Variants in DSCAM observed in about 807,000 individuals in gnomAD.
DSCAM encodes DS cell adhesion molecule.
In DSCAM, 47 loss-of-function variants were observed where a neutral mutation model predicts 217.7. That is an observed-to-expected ratio of 0.22 (90% CI 0.17 to 0.28). DSCAM has a LOEUF of 0.28. Ranked by LOEUF, DSCAM falls within the 10% of genes least tolerant of loss-of-function variation. The pLI is 1.00. For synonymous variants in DSCAM, 1,056 were observed against 1,015.3 expected, an observed-to-expected ratio of 1.04 and a Z score of -0.76; for missense variants, 2,080 against 2,618.3, an observed-to-expected ratio of 0.79 and a Z score of 4.49.
At chr21:40,509,825 T>C (rs1338293666) in intron 3 of DSCAM, among the ~76,000 whole-genome samples, 1 of 152,078 alleles carries the variant, frequency 6.6e-6, no homozygotes, top group Non-Finnish European at 1.5e-5. Context: ...TGCTTTGATC[T>C]TTCTCTAAAA....
At chr21:40,595,796 G>C (rs2077017256) in intron 3 of DSCAM, among the ~76,000 whole-genome samples, 1 of 152,230 alleles carries the variant, frequency 6.6e-6, no homozygotes, top group African/African-American at 2.4e-5. Flanking sequence ...AAAGAAGCAA[G>C]CAAGTTGTAG....
chr21:40,113,407 G>A (rs2089925986), intron 20 of DSCAM, among the ~76,000 whole-genome samples: 2 of 152,094 alleles, frequency 1.3e-5, no homozygotes, highest in African/African-American at 4.8e-5. Flanking sequence ...TTGATGGGAC[G>A]TATCTCAAAA....
At chr21:40,487,576 G>A (rs1359493297) in intron 3 of DSCAM, among the ~76,000 whole-genome samples, 1 of 152,094 alleles carries the variant, frequency 6.6e-6, no homozygotes, top group South Asian at 2.1e-4. Context: ...TCCAGCAGAG[G>A]GATACATGAG....
At chr21:40,783,489 T>C (rs1481390208) in intron 1 of DSCAM, among the ~76,000 whole-genome samples, 1 of 152,078 alleles carries the variant, frequency 6.6e-6, no homozygotes, top group Non-Finnish European at 1.5e-5. Context: ...GTGTCAAAAA[T>C]AGCAAGAAAC....
intron 1 of DSCAM, among the ~76,000 whole-genome samples, chr21:40,761,805 G>C (rs1017231596): frequency 6.6e-6 from 1 of 152,008 alleles, no homozygotes; most frequent in Non-Finnish European, 1.5e-5. Flanking sequence ...TAAACATGTA[G>C]AGCATCAAAA....
At position 40,012,599 on chromosome 21, in the gene DSCAM, G is replaced by T. The variant is rs1328107059; in HGVS notation, c.*435C>A. On this transcript the variant is annotated 3_prime_UTR_variant, in exon 33 of 33. Coordinates refer to ENST00000400454, the MANE Select transcript of DSCAM (RefSeq NM_001389.5). ...ACCCGGTTTCTAATGGGAAAGAAAG[G>T]TGTGCAAACGTGACTGAAGTTTTCC... 1 of 152,490 alleles carries T rather than the reference G, an allele frequency of 6.6e-6. No individual in the cohort carries two copies. Among genetic ancestry groups the T allele is most frequent in the African/African-American group, 2.4e-5 (1 of 41,402 alleles). 9.4% of individuals were successfully genotyped at this position (152,490 alleles called of 1,614,324 possible). A position where few individuals can be genotyped will look rare whatever the true frequency, so the allele number is the denominator to read the frequency against.
chr21:40,618,577 A>C (rs987665214), intron 3 of DSCAM: 1 of 152,162 alleles, frequency 6.6e-6, no homozygotes, highest in East Asian at 1.9e-4. Flanking sequence ...AAATAATATA[A>C]TAAGTTCCTA....
chr21:40,085,541 T>A, intron 23 of DSCAM, 61 bp downstream of exon 23: 1 of 1,370,420 alleles, frequency 7.3e-7, no homozygotes, highest in South Asian at 2.1e-5. Flanking sequence ...TCAGTGCTAC[T>A]TTTTGCATAG....
chr21:40,328,758 T>C (rs956641864), intron 8 of DSCAM, among the ~76,000 whole-genome samples: 7 of 152,212 alleles, frequency 4.6e-5, no homozygotes, highest in Non-Finnish European at 8.8e-5. Flanking sequence ...AAAAGGTTAC[T>C]ATCCAAAATA....
intron 1 of DSCAM, among the ~76,000 whole-genome samples, chr21:40,723,022 A>T (rs1332161622): frequency 6.6e-6 from 1 of 152,166 alleles, no homozygotes; most frequent in Admixed American, 6.5e-5. Flanking sequence ...ACATGAAGCA[A>T]ATCTGCTGGA....
At chr21:40,253,099 G>A (rs968242546) in intron 11 of DSCAM, among the ~76,000 whole-genome samples, 4 of 152,192 alleles carry the variant, frequency 2.6e-5, no homozygotes, top group African/African-American at 4.8e-5. Context: ...GAGAAGACAG[G>A]TGAAGTGTGA....
intron 3 of DSCAM, among the ~76,000 whole-genome samples, chr21:40,419,839 T>C (rs1050633792): frequency 6.6e-6 from 1 of 152,066 alleles, no homozygotes; most frequent in Non-Finnish European, 1.5e-5. Flanking sequence ...CTAGAAAGAA[T>C]AAAAAATTAA....
At chr21:40,412,427 C>T (rs1057023066) in intron 3 of DSCAM, among the ~76,000 whole-genome samples, 27 of 152,162 alleles carry the variant, frequency 1.8e-4, no homozygotes, top group African/African-American at 6.5e-4. Flanking sequence ...ATTATATGGA[C>T]AATGAAACCC....
chr21:40,584,329 C>A (rs1335838805), intron 3 of DSCAM, among the ~76,000 whole-genome samples: 1 of 152,158 alleles, frequency 6.6e-6, no homozygotes, highest in Non-Finnish European at 1.5e-5. Flanking sequence ...ATATATTTTG[C>A]AAATCCATCT....
chr21:40,501,684 C>T lies in DSCAM; in HGVS notation c.509-132439G>A, dbSNP rs145530912. ...TCTGCTCACAGCAACCTCCGCCTCC[C>T]GGGTTCAAGCGATTCTCCTGTCTCA... On this transcript the variant is annotated intron_variant, in intron 3 of 32. Coordinates refer to ENST00000400454, the MANE Select transcript of DSCAM (RefSeq NM_001389.5). Among the ~76,000 whole-genome samples, 192 of 152,298 alleles carry T rather than the reference C, an allele frequency of 1.3e-3. 1 individual carries two copies. Among genetic ancestry groups the T allele is most frequent in the Admixed American group, 3.1e-3 (47 of 15,304 alleles).
chr21:40,768,570 G>A (rs994177009), intron 1 of DSCAM, among the ~76,000 whole-genome samples: 7 of 152,152 alleles, frequency 4.6e-5, no homozygotes, highest in Non-Finnish European at 7.4e-5. Context: ...TATAATGAAC[G>A]AAGCCAGCTT....
At chr21:40,771,948 G>A (rs1200289202) in intron 1 of DSCAM, among the ~76,000 whole-genome samples, 2 of 152,192 alleles carry the variant, frequency 1.3e-5, no homozygotes, top group African/African-American at 2.4e-5. Context: ...ATCTTTATGC[G>A]AATTTTATTA....
intron 15 of DSCAM, among the ~76,000 whole-genome samples, chr21:40,176,475 T>C (rs1182463959): frequency 6.6e-6 from 1 of 152,124 alleles, no homozygotes; most frequent in East Asian, 1.9e-4. Context: ...AGATGTGCCT[T>C]TGGGTTTACC....
chr21:40,142,876 C>G (rs944346801), intron 17 of DSCAM, among the ~76,000 whole-genome samples, 172 bp from the exon 18 acceptor site: 5 of 152,190 alleles, frequency 3.3e-5, no homozygotes, highest in South Asian at 2.1e-4. Context: ...CTTATGATAA[C>G]TCAGTGCTCA....
Sources: gnomAD v4.1 joint callset for allele counts (sites outside exome capture counted in the v4.1 genomes callset) on GRCh38, gnomAD v4.1.1 for gene constraint, MANE v1.5 for transcripts, NCBI Gene and HGNC (gene_info 2026-07-23, HGNC 2026-07-21) for gene names.